LAMA3: variants seen among roughly 807,000 people sequenced by gnomAD.
The protein encoded by LAMA3 is laminin subunit alpha-3.
LAMA3 carries 281 observed loss-of-function variants against 402.0 expected under a neutral mutation model. The observed-to-expected ratio is 0.70, with a 90% CI of 0.63 to 0.77. LAMA3 has a LOEUF of 0.77. Ranked by LOEUF, LAMA3 falls within the 30% of genes least tolerant of loss-of-function variation. LAMA3 has a pLI of 0.00. For missense variants in LAMA3, 3,840 were observed against 4,215.5 expected, an observed-to-expected ratio of 0.91 and a Z score of 2.47; for synonymous variants, 1,431 against 1,558.4, an observed-to-expected ratio of 0.92 and a Z score of 1.93.
intron 1 of LAMA3, among the ~76,000 whole-genome samples, chr18:23,700,739 C>T (rs1257936828): frequency 3.3e-5 from 5 of 152,112 alleles, no homozygotes; most frequent in African/African-American, 1.2e-4. Flanking sequence ...ACTCTGTCGC[C>T]TGGGCTCGAG....
chr18:23,841,272 G>A (rs1033343011), intron 27 of LAMA3, among the ~76,000 whole-genome samples: 4 of 152,228 alleles, frequency 2.6e-5, no homozygotes, highest in Non-Finnish European at 5.9e-5. Flanking sequence ...ATGAGCTTTA[G>A]TTGTTATTGT....
In LAMA3 at chr18:23,784,010, C is replaced by G; in HGVS notation, c.1469-13C>G. ...GATGGAGACCCCTTCTGAAAGTTTC[C>G]TGTCTTCTGCAGGGTGTGACTGTAA... is the stretch of plus-strand genomic sequence containing the variant. On this transcript the variant is annotated splice_polypyrimidine_tract_variant and intron_variant, in intron 11 of 74. Transcript: ENST00000313654. 6.2e-7 allele frequency: 1 copy of G among 1,614,032 alleles called. No individual in the cohort carries two copies. Among genetic ancestry groups the G allele is most frequent in the Non-Finnish European group, 8.5e-7 (1 of 1,179,968 alleles).
chr18:23,749,943 G>A lies in LAMA3; in HGVS notation c.684+397G>A, dbSNP rs370517554. On this transcript the variant is annotated intron_variant, in intron 4 of 74. Coordinates refer to ENST00000313654, the MANE Select transcript of LAMA3 (RefSeq NM_198129.4). ...GCAGCAGGTAGATTTTCTCTATACT[G>A]TCTCTTCCCTCATCTGATGACCAGA... Among the ~76,000 whole-genome samples the A allele has an allele frequency of 8.3e-4, 126 of 152,254 alleles. 3 individuals are homozygous for A. The South Asian group carries it at 0.026, about 31-fold the overall frequency.
chr18:23,948,477 C>G (rs987980396), intron 70 of LAMA3, among the ~76,000 whole-genome samples: 1 of 152,116 alleles, frequency 6.6e-6, no homozygotes, highest in East Asian at 1.9e-4. Flanking sequence ...CATGACAAAT[C>G]TTAAGAAACT....
At chr18:23,749,742 G>C (rs1241778644) in intron 4 of LAMA3, among the ~76,000 whole-genome samples, 196 bp downstream of exon 4, 3 of 152,190 alleles carry the variant, frequency 2.0e-5, no homozygotes, top group South Asian at 2.1e-4. Flanking sequence ...TCTGTTGGGG[G>C]ATTTCAGTTA....
At chr18:23,813,143 T>G in intron 14 of LAMA3, 40 bp downstream of exon 14, 15 of 1,367,118 alleles carry the variant, frequency 1.1e-5, no homozygotes, top group Non-Finnish European at 1.5e-5. Flanking sequence ...TAACTATCTC[T>G]ATTATTCTCA....
chr18:23,822,172 A>C, intron 19 of LAMA3, 80 bp from the exon 20 acceptor site: 2 of 1,500,950 alleles, frequency 1.3e-6, no homozygotes, highest in Non-Finnish European at 1.9e-6. Flanking sequence ...GTGACACTTG[A>C]ATAGAATAAA....
chr18:23,751,143 C>T, intron 5 of LAMA3, 55 bp downstream of exon 5: 1 of 1,575,914 alleles, frequency 6.3e-7, no homozygotes. Flanking sequence ...TTTTGGCTTA[C>T]CAAATTAATT....
intron 37 of LAMA3, among the ~76,000 whole-genome samples, chr18:23,868,610 TCAAA>T (rs1009570574): frequency 6.6e-5 from 10 of 152,156 alleles, no homozygotes; most frequent in African/African-American, 1.9e-4. Context: ...AGACCCTGTC[TCAAA>T]CAAACAAACA....
intron 32 of LAMA3, among the ~76,000 whole-genome samples, chr18:23,851,417 C>T (rs1043842741): frequency 9.2e-5 from 14 of 152,222 alleles, no homozygotes; most frequent in African/African-American, 2.4e-4. Context: ...CGTCCTGTCT[C>T]TGCCGCTCAC....
At chr18:23,776,256 A>G (rs1212780510) in intron 10 of LAMA3, among the ~76,000 whole-genome samples, 1 of 152,132 alleles carries the variant, frequency 6.6e-6, no homozygotes, top group Non-Finnish European at 1.5e-5. Context: ...GCTTCCAGAT[A>G]TTTATCTGCA....
rs144138222 is a variant in LAMA3, at chr18:23,919,926, A to C, written c.7924-1009A>C. The stretch of plus-strand genomic sequence containing the variant: ...GTTGTTGCTGCAGGGACTGGCTAAA[A>C]ATGTTGTGGCTGAGACTAGGTGGGA... On this transcript the variant is annotated intron_variant, in intron 60 of 74. Coordinates refer to ENST00000313654, the MANE Select transcript of LAMA3 (RefSeq NM_198129.4). Among the ~76,000 whole-genome samples the C allele has an allele frequency of 5.7e-4, 87 of 152,194 alleles. No individual in the cohort carries two copies. In the East Asian group the frequency reaches 0.016, roughly 28 times the overall value.
At position 23,907,598 on chromosome 18, in the gene LAMA3, C is replaced by T; in HGVS notation, c.6767C>T (p.Thr2256Ile). The change falls in exon 53 of 75, where the codon ACA (threonine) becomes ATA (isoleucine). Residue 2256 changes from threonine (T) to isoleucine (I), a missense_variant. Physicochemically the swap from Thr to Ile is moderately conservative, Grantham distance 89 (BLOSUM62 -1). Coordinates refer to ENST00000313654, the MANE Select transcript of LAMA3 (RefSeq NM_198129.4). ...NNLQQTLNIVTVQKEVIDTNL... is the reference protein window; with the variant it reads ...NNLQQTLNIVIVQKEVIDTNL... ...CTACAGCAAACCCTGAATATTGTGA[C>T]AGTTCAGAAAGAAGTGATAGACACC... 2 of 1,614,106 alleles carry T rather than the reference C, an allele frequency of 1.2e-6. No individual in the cohort carries two copies. Among genetic ancestry groups the T allele is most frequent in the Non-Finnish European group, 8.5e-7 (1 of 1,179,942 alleles).
At chr18:23,940,024 C>A (rs1387238736) in intron 68 of LAMA3, among the ~76,000 whole-genome samples, 1 of 152,174 alleles carries the variant, frequency 6.6e-6, no homozygotes. Flanking sequence ...GGCTTTCAGT[C>A]CTGCTTCACC....
chr18:23,937,662 G>A (rs997887359), intron 67 of LAMA3, among the ~76,000 whole-genome samples: 9 of 152,132 alleles, frequency 5.9e-5, no homozygotes, highest in East Asian at 1.9e-4. Flanking sequence ...GCTGACACAC[G>A]GAGAAGACTC....
intron 55 of LAMA3, among the ~76,000 whole-genome samples, chr18:23,910,756 G>T (rs746718701): frequency 3.3e-5 from 5 of 152,186 alleles, no homozygotes; most frequent in Admixed American, 6.5e-5. Context: ...ATGAGCTGGA[G>T]CTGTGTGTAT....
intron 32 of LAMA3, among the ~76,000 whole-genome samples, chr18:23,857,065 A>G (rs1003430026): frequency 4.6e-5 from 7 of 152,176 alleles, no homozygotes; most frequent in African/African-American, 1.7e-4. Context: ...TTTTGCATGC[A>G]CTGCCTCATG....
At chr18:23,920,674 A>G (rs1008759531) in intron 60 of LAMA3, among the ~76,000 whole-genome samples, 8 of 152,196 alleles carry the variant, frequency 5.3e-5, no homozygotes, top group African/African-American at 1.9e-4. Flanking sequence ...TATGGATCGC[A>G]TGAAACAAAA....
At chr18:23,754,469 G>A (rs180885981) in intron 6 of LAMA3, among the ~76,000 whole-genome samples, 62 of 152,202 alleles carry the variant, frequency 4.1e-4, no homozygotes, top group Middle Eastern at 3.4e-3. Context: ...TTAGCATAAC[G>A]TCCTCAAGGT....
Sources: gnomAD v4.1 joint callset for allele counts (sites outside exome capture counted in the v4.1 genomes callset) on GRCh38, gnomAD v4.1.1 for gene constraint, MANE v1.5 for transcripts, NCBI Gene and HGNC (gene_info 2026-07-23, HGNC 2026-07-21) for gene names.